AK5: variants seen among roughly 807,000 people sequenced by gnomAD.
AK5 encodes adenylate kinase 5, also known as adenylate kinase isoenzyme 5.
In AK5, 27 loss-of-function variants were observed where a neutral mutation model predicts 69.5. That is an observed-to-expected ratio of 0.39 (90% CI 0.29 to 0.54). The LOEUF (loss-of-function observed/expected upper bound fraction) is 0.54, where lower values mean the gene tolerates loss of function less well. Ranked by LOEUF, AK5 falls within the 20% of genes least tolerant of loss-of-function variation. The probability of loss-of-function intolerance (pLI) is 0.71; values close to 1 mark genes in which losing one functional copy is unlikely to be tolerated. For synonymous variants in AK5, 260 were observed against 244.4 expected (o/e 1.06, Z -0.60); for missense variants, 531 against 700.4 (o/e 0.76, Z 2.73).
chr1:77,528,695 T>C (rs1364659451), intron 12 of AK5, among the ~76,000 whole-genome samples: 1 of 152,212 alleles, frequency 6.6e-6, no homozygotes, highest in Non-Finnish European at 1.5e-5. Flanking sequence ...TACATGTATG[T>C]AATGCATGTA....
At chr1:77,491,615 T>A (rs1656014298) in intron 10 of AK5, among the ~76,000 whole-genome samples, 1 of 152,210 alleles carries the variant, frequency 6.6e-6, no homozygotes, top group African/African-American at 2.4e-5. Flanking sequence ...ATGAATTGAT[T>A]ATTTAAAGTA....
intron 8 of AK5, among the ~76,000 whole-genome samples, chr1:77,428,723 A>G (rs1233126019): frequency 6.6e-6 from 1 of 152,078 alleles, no homozygotes; most frequent in Non-Finnish European, 1.5e-5. Context: ...ATTTAACATT[A>G]GGTATATCTC....
intron 8 of AK5, among the ~76,000 whole-genome samples, chr1:77,461,094 T>C (rs3121778): frequency 0.32 from 47,207 of 146,566 alleles, 7,954 homozygotes; most frequent in East Asian, 0.59. Context: ...ACTGCAGTGG[T>C]GCTATCTCGG....
intron 10 of AK5, among the ~76,000 whole-genome samples, chr1:77,492,651 G>A (rs953315485): frequency 3.9e-5 from 6 of 152,204 alleles, no homozygotes; most frequent in Non-Finnish European, 7.3e-5. Flanking sequence ...GGAAAATAGC[G>A]CATCTGCTGA....
At chr1:77,398,186 G>A (rs1190708003) in intron 6 of AK5, among the ~76,000 whole-genome samples, 2 of 152,130 alleles carry the variant, frequency 1.3e-5, no homozygotes, top group African/African-American at 4.8e-5. Flanking sequence ...AAAGGAAAGA[G>A]AAGGAAAAAT....
chr1:77,349,302 A>G (rs1662075405), intron 6 of AK5: 1 of 152,224 alleles, frequency 6.6e-6, no homozygotes, highest in Non-Finnish European at 1.5e-5. Context: ...AAAAAAACTA[A>G]AAAACAAACA....
intron 8 of AK5, among the ~76,000 whole-genome samples, chr1:77,469,698 C>T (rs1654347018): frequency 6.6e-6 from 1 of 152,256 alleles, no homozygotes; most frequent in African/African-American, 2.4e-5. Flanking sequence ...CCAAACTGTG[C>T]TCCATATGGT....
chr1:77,481,125 G>A (rs908467460), intron 8 of AK5, among the ~76,000 whole-genome samples: 3 of 152,226 alleles, frequency 2.0e-5, no homozygotes, highest in African/African-American at 7.2e-5. Context: ...GCAGAGGAGA[G>A]GGGATGCCCC....
chr1:77,547,359 C>T (rs1177905008), intron 13 of AK5, among the ~76,000 whole-genome samples: 28 of 147,242 alleles, frequency 1.9e-4, no homozygotes, highest in Middle Eastern at 3.6e-3. Flanking sequence ...CTGCAACCTC[C>T]GCCTCCTGGG....
chr1:77,305,070 C>A (rs1036037105), intron 5 of AK5, among the ~76,000 whole-genome samples: 1 of 152,058 alleles, frequency 6.6e-6, no homozygotes, highest in Non-Finnish European at 1.5e-5. Flanking sequence ...TTTTGATTTG[C>A]ATTTATTTGA....
At chr1:77,486,393 A>G (rs562498295) in intron 10 of AK5, 41 bp downstream of exon 10, 1 of 1,492,228 alleles carries the variant, frequency 6.7e-7, no homozygotes, top group East Asian at 2.3e-5. Context: ...TACAATTGCT[A>G]ATAATAAGAA....
chr1:77,526,798 T>C (rs1180965610), intron 12 of AK5, among the ~76,000 whole-genome samples: 20 of 151,640 alleles, frequency 1.3e-4, no homozygotes, highest in Admixed American at 3.9e-4. Context: ...TTTTAATTGC[T>C]CTGAGAGGTG....
At chr1:77,397,662 A>G (rs1430178980) in intron 6 of AK5, among the ~76,000 whole-genome samples, 1 of 152,204 alleles carries the variant, frequency 6.6e-6, no homozygotes, top group Non-Finnish European at 1.5e-5. Context: ...TGGGAAGCCA[A>G]AGCAGGAGAA....
chr1:77,395,947 A>G (rs1648802729), intron 6 of AK5, among the ~76,000 whole-genome samples: 1 of 152,196 alleles, frequency 6.6e-6, no homozygotes, highest in Admixed American at 6.5e-5. Flanking sequence ...TATCAATACC[A>G]TTCTTACTCA....
intron 1 of AK5, 74 bp downstream of exon 1, chr1:77,282,447 G>T: frequency 1.3e-6 from 2 of 1,494,026 alleles, no homozygotes; most frequent in Non-Finnish European, 1.8e-6. Context: ...AGGCAGCCGC[G>T]CCCCGTCCCA....
At chr1:77,523,793 T>G (rs1475689746) in intron 12 of AK5, among the ~76,000 whole-genome samples, 1 of 152,106 alleles carries the variant, frequency 6.6e-6, no homozygotes, top group Non-Finnish European at 1.5e-5. Context: ...CACCTCAGCC[T>G]CCTGAGCAAC....
At chr1:77,410,775 A>G (rs1214815583) in intron 6 of AK5, among the ~76,000 whole-genome samples, 7 of 152,176 alleles carry the variant, frequency 4.6e-5, no homozygotes, top group African/African-American at 1.7e-4. Context: ...AAGTGACTGT[A>G]CATTTATTCC....
intron 6 of AK5, among the ~76,000 whole-genome samples, chr1:77,354,488 T>A (rs1427322006): frequency 2.6e-5 from 4 of 152,222 alleles, no homozygotes; most frequent in Admixed American, 2.6e-4. Flanking sequence ...TTTTCAGTAG[T>A]CCACTTAGTA....
intron 13 of AK5, among the ~76,000 whole-genome samples, chr1:77,551,521 C>G (rs1469977581): frequency 6.6e-6 from 1 of 152,106 alleles, no homozygotes; most frequent in African/African-American, 2.4e-5. Context: ...ATTTAAGCCA[C>G]ACAACAAAAT....
Sources: gnomAD v4.1 joint callset for allele counts (sites outside exome capture counted in the v4.1 genomes callset) on GRCh38, gnomAD v4.1.1 for gene constraint, MANE v1.5 for transcripts, NCBI Gene and HGNC (gene_info 2026-07-23, HGNC 2026-07-21) for gene names.